The following SELENOO variants were observed in gnomAD, a reference collection of about 807,000 sequenced individuals.
SELENOO encodes the protein protein adenylyltransferase SelO, mitochondrial.
A neutral mutation model predicts 58.7 loss-of-function variants in SELENOO; 74 were observed. The observed-to-expected ratio is 1.26, with a 90% CI of 1.04 to 1.53. The LOEUF is 1.53. Ranked by LOEUF, SELENOO falls within the 40% of genes most tolerant of loss-of-function variation. The pLI is 0.00. For synonymous variants in SELENOO, 543 were observed against 453.2 expected, an observed-to-expected ratio of 1.20 and a Z score of -2.52; for missense variants, 1,149 against 970.0, an observed-to-expected ratio of 1.18 and a Z score of -2.45.
At chr22:50,216,924 GA>G (rs761075357) in intron 7 of SELENOO, 47 bp from the exon 8 acceptor site, 6 of 1,602,536 alleles carry the variant, frequency 3.7e-6, no homozygotes, top group African/African-American at 2.7e-5. Context: ...TCGCGTGCTG[GA>G]AAAAGTCCAG....
chr22:50,201,387 G>A lies in SELENOO; in HGVS notation c.351G>A (p.Glu117=). 7.9e-7 allele frequency: 1 copy of A among 1,273,200 alleles called. No homozygotes were observed. Among genetic ancestry groups the A allele is most frequent in the Non-Finnish European group, 9.9e-7 (1 of 1,007,612 alleles). The allele number at this position is 1,273,200 out of a possible 1,614,324, so 78.9% of individuals were successfully genotyped here. The change falls in exon 1 of 9, where the codon GAG becomes GAA. Residue 117 remains glutamate (E), a synonymous_variant. Transcript: ENST00000380903. ...GLGAPPAREA[E]AEAALFFSGN... is the part of the protein sequence containing the mutation. ...GCGCGCCGCCCGCGCGCGAGGCCGA[G>A]GCCGAGGCCGCGCTGTTCTTCAGCG...
Position 50,217,254 on chromosome 22 carries a change from G to A in SELENOO, c.1895G>A (p.Gly632Glu). The change falls in exon 9 of 9, where the codon GGG becomes GAG. Residue 632 changes from glycine (G) to glutamate (E), a missense_variant. By Grantham distance (98) the Gly-to-Glu change is moderately conservative (BLOSUM62 -2). Transcript: ENST00000380903. ...GAGACCCCTTACCACTGCGAGGCGG[G>A]GGCCGCCACAGACGCCGAGGCCACG... is the stretch of plus-strand genomic sequence containing the variant. Reference protein sequence around the residue: ...LLETPYHCEAGAATDAEATEA... With the variant: ...LLETPYHCEAEAATDAEATEA... 1 of 1,611,946 alleles carries A rather than the reference G, an allele frequency of 6.2e-7. No homozygotes were observed. The highest frequency in any genetic ancestry group is 8.5e-7 in the Non-Finnish European group (1 of 1,179,560).
chr22:50,207,383 T>C (rs2064339737), intron 2 of SELENOO, among the ~76,000 whole-genome samples: 1 of 152,068 alleles, frequency 6.6e-6, no homozygotes, highest in Non-Finnish European at 1.5e-5. Flanking sequence ...CTTGGCCTCC[T>C]AAAGTGCTAG....
chr22:50,215,241 CTG>C (rs757012870), intron 5 of SELENOO, among the ~76,000 whole-genome samples: 7 of 152,120 alleles, frequency 4.6e-5, no homozygotes, highest in African/African-American at 9.7e-5. Context: ...GCAGTTGTGA[CTG>C]TGAGGATGTG....
At position 50,201,598 on chromosome 22, in the gene SELENOO, G is replaced by T; in HGVS notation, c.554+8G>T. 1 of 1,273,546 alleles carries T rather than the reference G, an allele frequency of 7.9e-7. No individual in the cohort carries two copies. The highest frequency in any genetic ancestry group is 9.9e-7 in the Non-Finnish European group (1 of 1,007,106). 78.9% of individuals were successfully genotyped at this position (1,273,546 alleles called of 1,614,324 possible). On this transcript the variant is annotated splice_region_variant and intron_variant, in intron 1 of 8. Coordinates refer to ENST00000380903, the MANE Select transcript of SELENOO (RefSeq NM_031454.2). ...GCCCACGCCCTTCTCCAGGTGGGCCGGGGCGGGCGAGGGGCGCGGGTGGGT... is the reference window on the plus strand; with the variant it reads ...GCCCACGCCCTTCTCCAGGTGGGCCTGGGCGGGCGAGGGGCGCGGGTGGGT...
intron 2 of SELENOO, among the ~76,000 whole-genome samples, chr22:50,207,441 G>T (rs1019538808): frequency 6.6e-6 from 1 of 151,952 alleles, no homozygotes; most frequent in Admixed American, 6.6e-5. Flanking sequence ...ATCAGTTTTT[G>T]ATGTCACCTT....
chr22:50,213,731 T>C (rs2064387384), intron 5 of SELENOO, among the ~76,000 whole-genome samples: 1 of 152,064 alleles, frequency 6.6e-6, no homozygotes, highest in Non-Finnish European at 1.5e-5. Context: ...CACTGCAAGC[T>C]CCACCTCCCA....
intron 5 of SELENOO, among the ~76,000 whole-genome samples, chr22:50,215,092 T>C (rs2064396269): frequency 6.6e-6 from 1 of 152,214 alleles, no homozygotes; most frequent in Admixed American, 6.5e-5. Context: ...TCATTTTGTT[T>C]TTAAGACAGT....
At chr22:50,201,925 T>C (rs2064304455) in intron 1 of SELENOO, among the ~76,000 whole-genome samples, 1 of 152,252 alleles carries the variant, frequency 6.6e-6, no homozygotes. Flanking sequence ...GGCGGGCCGC[T>C]TCGTCCAGCA....
At chr22:50,207,813 A>C (rs575052085) in intron 2 of SELENOO, among the ~76,000 whole-genome samples, 2 of 124,728 alleles carry the variant, frequency 1.6e-5, no homozygotes, top group East Asian at 2.3e-4. Context: ...GCGCTCACAG[A>C]TGTGTGTCCA....
chr22:50,201,700 T>C, intron 1 of SELENOO, 110 bp downstream of exon 1: 3 of 780,644 alleles, frequency 3.8e-6, no homozygotes, highest in Non-Finnish European at 5.2e-6. Flanking sequence ...AAGTGGGGCC[T>C]CCCCTGCACC....
intron 1 of SELENOO, among the ~76,000 whole-genome samples, chr22:50,203,433 T>C (rs2064314718): frequency 6.6e-6 from 1 of 152,108 alleles, no homozygotes; most frequent in South Asian, 2.1e-4. Context: ...AAAACAATCT[T>C]GAAGAAAGTT....
In SELENOO at chr22:50,206,519, A is replaced by C; in HGVS notation, c.757A>C (p.Arg253=). The change falls in exon 2 of 9, where the codon AGG becomes CGG. Residue 253 remains arginine, a splice_region_variant and synonymous_variant. Transcript: ENST00000380903. The part of the protein sequence containing the change: ...VVLRVASTFI[R]FGSFEIFKSA... ...GTTGCGTGTAGCTTCCACTTTCATA[A>C]GGTAATGCCGGGGGCCTTTCGGCCT... 1 of 1,612,458 alleles carries C rather than the reference A, an allele frequency of 6.2e-7. No individual in the cohort carries two copies. Among genetic ancestry groups the C allele is most frequent in the South Asian group, 1.1e-5 (1 of 90,810 alleles).
chr22:50,215,263 C>G (rs1424158553), intron 5 of SELENOO, among the ~76,000 whole-genome samples: 1 of 152,168 alleles, frequency 6.6e-6, no homozygotes, highest in African/African-American at 2.4e-5. Context: ...GAGGGCCGGG[C>G]AGCAGCCTCT....
chr22:50,210,410 A>C, intron 4 of SELENOO, 99 bp downstream of exon 4: 3 of 1,485,026 alleles, frequency 2.0e-6, no homozygotes, highest in Non-Finnish European at 2.7e-6. Flanking sequence ...GTGATGCTTG[A>C]GGGGGAGCCG....
At position 50,217,476 on chromosome 22, in the gene SELENOO, G is replaced by A; in HGVS notation, c.*107G>A. The A allele has an allele frequency of 7.5e-7, 1 of 1,341,096 alleles. No homozygotes were observed. The highest frequency in any genetic ancestry group is 1.0e-6 in the Non-Finnish European group (1 of 977,248). The allele number at this position is 1,341,096 out of a possible 1,614,324, so 83.1% of individuals were successfully genotyped here. ...CTATACACTGGGGGATTCTGCCCTG[G>A]CCCATGCACACCCGTCTTTCCATGA... On this transcript the variant is annotated 3_prime_UTR_variant, in exon 9 of 9. Transcript: ENST00000380903.
intron 5 of SELENOO, among the ~76,000 whole-genome samples, chr22:50,213,873 C>T (rs907084164): frequency 1.3e-5 from 2 of 151,960 alleles, no homozygotes; most frequent in South Asian, 4.1e-4. Context: ...TGGTCTTGAT[C>T]GCCTGACCTC....
intron 2 of SELENOO, among the ~76,000 whole-genome samples, chr22:50,206,951 A>G (rs1398258232): frequency 6.6e-6 from 1 of 152,008 alleles, no homozygotes; most frequent in African/African-American, 2.4e-5. Context: ...TGTTTGCTGG[A>G]GTTTATGACA....
intron 1 of SELENOO, among the ~76,000 whole-genome samples, chr22:50,202,317 C>A (rs898897717): frequency 6.6e-6 from 1 of 152,132 alleles, no homozygotes; most frequent in Non-Finnish European, 1.5e-5. Flanking sequence ...AAATGCCCCT[C>A]GGTCCCTCAG....
Sources: allele counts gnomAD v4.1 joint callset (sites outside exome capture counted in the v4.1 genomes callset), GRCh38; gene constraint gnomAD v4.1.1; transcripts MANE v1.5; gene names NCBI Gene and HGNC (gene_info 2026-07-23, HGNC 2026-07-21).